Variants in ETFDH observed in about 807,000 individuals in gnomAD.
The protein encoded by ETFDH is electron transfer flavoprotein dehydrogenase.
A neutral mutation model predicts 73.2 loss-of-function variants in ETFDH; 61 were observed. The observed-to-expected ratio is 0.83, with a 90% CI of 0.68 to 1.03. ETFDH has a LOEUF of 1.03. Ranked by LOEUF, ETFDH falls within the 50% of genes least tolerant of loss-of-function variation. ETFDH has a pLI of 0.00. For synonymous variants in ETFDH, 243 were observed against 253.3 expected (o/e 0.96, Z 0.39); for missense variants, 685 against 745.0 (o/e 0.92, Z 0.94).
intron 8 of ETFDH, 90 bp from the exon 9 acceptor site, chr4:158,698,897 T>C: frequency 1.1e-6 from 1 of 914,160 alleles, no homozygotes; most frequent in Non-Finnish European, 1.8e-6. Context: ...AAATTTAACC[T>C]ACATGTTTTC....
At chr4:158,692,235 A>C (rs1001524609) in intron 6 of ETFDH, among the ~76,000 whole-genome samples, 1 of 151,566 alleles carries the variant, frequency 6.6e-6, no homozygotes, top group Non-Finnish European at 1.5e-5. Context: ...CTACTGAAAA[A>C]AAAAATACAA....
intron 10 of ETFDH, among the ~76,000 whole-genome samples, chr4:158,705,603 T>TA (rs1774588376): frequency 6.6e-6 from 1 of 152,228 alleles, no homozygotes; most frequent in South Asian, 2.1e-4. Context: ...CTTTTTATCT[T>TA]AAAGCTTCTT....
At chr4:158,672,532 G>A (rs1471087598) in intron 1 of ETFDH, 42 bp downstream of exon 1, 6 of 1,605,042 alleles carry the variant, frequency 3.7e-6, no homozygotes, top group Non-Finnish European at 5.1e-6. Flanking sequence ...AGGAGTTAGG[G>A]CAAAAGGGAC....
rs374461966 is a variant in ETFDH at position 158,708,761 on chromosome 4, T to G, written c.*234T>G. 1 of 466,392 alleles carries G rather than the reference T, an allele frequency of 2.1e-6. No homozygotes were observed. The highest frequency in any genetic ancestry group is 2.4e-5 in the South Asian group (1 of 41,096). The allele number at this position is 466,392 out of a possible 1,614,324, so 28.9% of individuals were successfully genotyped here. A position where few individuals can be genotyped will look rare whatever the true frequency, so the allele number is the denominator to read the frequency against. On this transcript the variant is annotated 3_prime_UTR_variant, in exon 13 of 13. Transcript: ENST00000511912. ...TCCTACCTCTTCAGTTCTTCAGAGA[T>G]TCAGTACCAAGAGCAAAATTCACTA...
At chr4:158,703,307 A>G in intron 9 of ETFDH, 116 bp from the exon 10 acceptor site, 1 of 759,240 alleles carries the variant, frequency 1.3e-6, no homozygotes, top group Admixed American at 2.1e-5. Flanking sequence ...ATTTTCATGT[A>G]TTTATTTTTC....
chr4:158,706,693 T>TG lies in ETFDH; in HGVS notation c.1535dup (p.Gln513ThrfsTer5). 1.9e-6 allele frequency: 3 copies of TG among 1,614,174 alleles called. No homozygotes were observed. The highest frequency in any genetic ancestry group is 2.5e-6 in the Non-Finnish European group (3 of 1,180,006). On this transcript the variant is annotated frameshift_variant, in exon 12 of 13. Coordinates refer to ENST00000511912, the MANE Select transcript of ETFDH (RefSeq NM_004453.4). LOFTEE classifies it high-confidence loss of function. ...CACCTATTGAGTATCCAAAACCCGA[T>TG]GGACAGATCAGTTTTGACCTCTTGT...
intron 8 of ETFDH, among the ~76,000 whole-genome samples, chr4:158,698,673 A>AT (rs1774375868): frequency 6.6e-6 from 1 of 151,822 alleles, no homozygotes; most frequent in Non-Finnish European, 1.5e-5. Flanking sequence ...GTTCATTTTT[A>AT]TTTTCTAATC....
intron 1 of ETFDH, among the ~76,000 whole-genome samples, chr4:158,675,493 G>A (rs1370402476): frequency 1.3e-5 from 2 of 152,148 alleles, no homozygotes; most frequent in African/African-American, 4.8e-5. Context: ...TTGGTCAGGT[G>A]TGGTGGCTTA....
rs1773688007 is a variant in ETFDH, at chr4:158,675,461, G to A, written c.34+2971G>A. Among the ~76,000 whole-genome samples the A allele has an allele frequency of 3.3e-5, 5 of 151,976 alleles. No individual in the cohort carries two copies. The South Asian group carries it at 1.0e-3, about 32-fold the overall frequency. Reference sequence around the variant, plus strand: ...ACATTTGGGTTGTTTCTACTTTTTGGCTGTTATAAATAATTCAGCTGTTGG... The same window carrying A: ...ACATTTGGGTTGTTTCTACTTTTTGACTGTTATAAATAATTCAGCTGTTGG... On this transcript the variant is annotated intron_variant, in intron 1 of 12. Coordinates refer to ENST00000511912, the MANE Select transcript of ETFDH (RefSeq NM_004453.4).
At chr4:158,699,303 G>T (rs1580415833) in intron 9 of ETFDH, among the ~76,000 whole-genome samples, 173 bp downstream of exon 9, 1 of 152,296 alleles carries the variant, frequency 6.6e-6, no homozygotes, top group East Asian at 1.9e-4. Context: ...TTAGTTTTAA[G>T]AATATATTAG....
At chr4:158,702,739 G>A (rs1466878247) in intron 9 of ETFDH, among the ~76,000 whole-genome samples, 1 of 152,054 alleles carries the variant, frequency 6.6e-6, no homozygotes. Flanking sequence ...GTTTGATTCC[G>A]TATCTTGGCA....
Position 158,682,342 on chromosome 4 carries a change from A to G in ETFDH, c.323A>G (p.Gln108Arg), listed in dbSNP as rs200233746. ...IRVCLVEKAA[Q>R]IGAHTLSGAC... ...GTGTGTCTAGTGGAGAAAGCTGCCC[A>G]GATAGGAGCTCATACTCTCTCAGGG... Residue 108 changes from glutamine (Q) to arginine (R), a missense_variant, in exon 3 of 13, where the codon CAG (glutamine) becomes CGG (arginine). This residue lies in a region of ETFDH where 405 missense variants were observed against 399.3 expected (regional missense o/e 1.01). Transcript: ENST00000511912. 25 of 1,614,062 alleles carry G rather than the reference A, an allele frequency of 1.5e-5. No individual in the cohort carries two copies. The highest frequency in any genetic ancestry group is 4.5e-5 in the East Asian group (2 of 44,896).
In ETFDH at chr4:158,708,925, G is replaced by A. The variant is rs2126322298; in HGVS notation, c.*398G>A. ...ATGGCTAATTTTGAATTACAACTGT[G>A]CAGGTGAGTGGGTGTGACATTACAT... On this transcript the variant is annotated 3_prime_UTR_variant, in exon 13 of 13. Transcript: ENST00000511912. 1 of 220,814 alleles carries A rather than the reference G, an allele frequency of 4.5e-6. No homozygotes were observed. The highest frequency in any genetic ancestry group is 1.3e-4 in the East Asian group (1 of 7,920). The allele number at this position is 220,814 out of a possible 1,614,324, so 13.7% of individuals were successfully genotyped here. A position where few individuals can be genotyped will look rare whatever the true frequency, so the allele number is the denominator to read the frequency against.
At chr4:158,684,337 C>T (rs1185291447) in intron 3 of ETFDH, among the ~76,000 whole-genome samples, 1 of 149,596 alleles carries the variant, frequency 6.7e-6, no homozygotes, top group East Asian at 2.0e-4. Flanking sequence ...CTACAGTGAG[C>T]TGAGATTGCA....
rs1053750938 is a variant in ETFDH at position 158,709,366 on chromosome 4, T to C, written c.*839T>C. ...GACCAATATGGTGAAACCCCATCTC[T>C]ACTAAAAATACAAAAATTAGCTGGG... On this transcript the variant is annotated 3_prime_UTR_variant, in exon 13 of 13. Coordinates refer to ENST00000511912, the MANE Select transcript of ETFDH (RefSeq NM_004453.4). The C allele has an allele frequency of 6.0e-6, 1 of 166,584 alleles. No individual in the cohort carries two copies. The highest frequency in any genetic ancestry group is 1.3e-5 in the Non-Finnish European group (1 of 77,700). 10.3% of individuals were successfully genotyped at this position (166,584 alleles called of 1,614,324 possible). A position where few individuals can be genotyped will look rare whatever the true frequency, so the allele number is the denominator to read the frequency against.
At chr4:158,689,709 A>G (rs1029462867) in intron 5 of ETFDH, among the ~76,000 whole-genome samples, 4 of 144,738 alleles carry the variant, frequency 2.8e-5, no homozygotes, top group Admixed American at 1.4e-4. Context: ...GCTTTCTTAC[A>G]ATCTGCTGTG....
intron 1 of ETFDH, among the ~76,000 whole-genome samples, chr4:158,678,568 C>G (rs1361108847): frequency 6.6e-6 from 1 of 152,018 alleles, no homozygotes; most frequent in Non-Finnish European, 1.5e-5. Context: ...TTTCCATTCT[C>G]TACTTGTTAG....
intron 2 of ETFDH, chr4:158,681,886 CAGAA>C (rs1396231365): frequency 1.0e-5 from 4 of 381,748 alleles, no homozygotes; most frequent in Non-Finnish European, 1.9e-5. Context: ...ATGCATTTCT[CAGAA>C]AGCATTTCTG....
rs1774341061 is a variant in ETFDH at position 158,697,556 on chromosome 4, T to TA, written c.832-2dup. On this transcript the variant is annotated splice_region_variant and splice_polypyrimidine_tract_variant and intron_variant, in intron 7 of 12. Coordinates refer to ENST00000511912, the MANE Select transcript of ETFDH (RefSeq NM_004453.4). ...CTTTTTTGTTTGCTTTTTTTTTTTT[T>TA]AGTTATGGGTTATTGATGAAAAGAA... 2 of 1,607,896 alleles carry TA rather than the reference T, an allele frequency of 1.2e-6. No individual in the cohort carries two copies. Among genetic ancestry groups the TA allele is most frequent in the South Asian group, 1.1e-5 (1 of 89,740 alleles).
Sources: gnomAD v4.1 joint callset for allele counts (sites outside exome capture counted in the v4.1 genomes callset) on GRCh38, gnomAD v4.1.1 for gene constraint, gnomAD v4.1.1 regional missense constraint, MANE v1.5 for transcripts, NCBI Gene and HGNC (gene_info 2026-07-23, HGNC 2026-07-21) for gene names.